The following DIAPH3 variants were observed in gnomAD, a reference collection of about 807,000 sequenced individuals.
The protein encoded by DIAPH3 is diaphanous related formin 3.
A neutral mutation model predicts 144.3 loss-of-function variants in DIAPH3; 117 were observed. The observed-to-expected ratio is 0.81, with a 90% CI of 0.70 to 0.95. The LOEUF is 0.95. Ranked by LOEUF, DIAPH3 falls within the 40% of genes least tolerant of loss-of-function variation. DIAPH3 has a pLI of 0.00. For missense variants in DIAPH3, 1,421 were observed against 1,412.7 expected (o/e 1.01, Z -0.09); for synonymous variants, 519 against 488.9 (o/e 1.06, Z -0.81).
At chr13:59,833,037 G>T in intron 24 of DIAPH3, 70 bp downstream of exon 24, 1 of 1,134,800 alleles carries the variant, frequency 8.8e-7, no homozygotes, top group Non-Finnish European at 1.3e-6. Flanking sequence ...AGAGTAGAAC[G>T]ATGTAATGAG....
Position 60,117,364 on chromosome 13 carries a change from CA to C in DIAPH3, c.214-5179del, listed in dbSNP as rs1447315813. Among the ~76,000 whole-genome samples, 3 of 151,512 alleles carry C rather than the reference CA, an allele frequency of 2.0e-5. No homozygotes were observed. In the East Asian group the frequency reaches 5.8e-4, roughly 29 times the overall value. ...AGGATCAATCAGTATTTCATATTTT[CA>C]ATATAATGCTTTTATTTCTTTTCCC... is the stretch of plus-strand genomic sequence containing the variant. On this transcript the variant is annotated intron_variant, in intron 2 of 27. Coordinates refer to ENST00000400324, the MANE Select transcript of DIAPH3 (RefSeq NM_001042517.2).
chr13:59,946,990 T>A (rs1366620784), intron 17 of DIAPH3, among the ~76,000 whole-genome samples: 1 of 152,168 alleles, frequency 6.6e-6, no homozygotes, highest in Non-Finnish European at 1.5e-5. Flanking sequence ...TCAAGAACTG[T>A]CAATCAGCAC....
intron 20 of DIAPH3, among the ~76,000 whole-genome samples, chr13:59,894,785 A>C (rs1424089770): frequency 1.3e-5 from 2 of 152,044 alleles, no homozygotes; most frequent in African/African-American, 4.8e-5. Context: ...GGAACCTTAA[A>C]TCTTTTCAGA....
At chr13:59,811,736 C>CAAAAAA (rs59712985) in intron 24 of DIAPH3, among the ~76,000 whole-genome samples, 7 of 56,726 alleles carry the variant, frequency 1.2e-4, no homozygotes, top group African/African-American at 2.1e-4. Context: ...GACTCTGTCT[C>CAAAAAA]AAAAAAAAAA....
At chr13:59,968,138 G>T (rs2050160998) in intron 17 of DIAPH3, among the ~76,000 whole-genome samples, 2 of 152,146 alleles carry the variant, frequency 1.3e-5, no homozygotes, top group Non-Finnish European at 2.9e-5. Context: ...GAATCTCAAG[G>T]CTAAAGTTAG....
chr13:60,142,657 C>T (rs1041709050), intron 1 of DIAPH3, among the ~76,000 whole-genome samples: 28 of 151,994 alleles, frequency 1.8e-4, no homozygotes, highest in Non-Finnish European at 2.6e-4. Flanking sequence ...ATGGTTGCCC[C>T]TCCTCCAGCT....
At chr13:59,906,521 C>A (rs546095451) in intron 20 of DIAPH3, among the ~76,000 whole-genome samples, 1 of 152,034 alleles carries the variant, frequency 6.6e-6, no homozygotes, top group Non-Finnish European at 1.5e-5. Context: ...TATTTTAAAG[C>A]GAGGGATTTT....
chr13:59,806,809 A>C (rs1344654402), intron 25 of DIAPH3, among the ~76,000 whole-genome samples: 1 of 151,928 alleles, frequency 6.6e-6, no homozygotes, highest in East Asian at 1.9e-4. Flanking sequence ...AAATGATAAC[A>C]CATATTTTTA....
chr13:59,822,059 G>C (rs955066818), intron 24 of DIAPH3, among the ~76,000 whole-genome samples: 1 of 152,050 alleles, frequency 6.6e-6, no homozygotes, highest in African/African-American at 2.4e-5. Flanking sequence ...TCTTAACTTT[G>C]CTATGAGTTT....
At chr13:59,948,775 C>T (rs1036525909) in intron 17 of DIAPH3, among the ~76,000 whole-genome samples, 1 of 151,506 alleles carries the variant, frequency 6.6e-6, no homozygotes, top group Non-Finnish European at 1.5e-5. Flanking sequence ...TTTAGATTTT[C>T]TAATCAAACT....
chr13:59,903,919 C>G (rs918398557), intron 20 of DIAPH3, among the ~76,000 whole-genome samples: 8 of 152,302 alleles, frequency 5.3e-5, no homozygotes, highest in Admixed American at 5.2e-4. Context: ...ACAATACACT[C>G]TAGCCTGTCA....
chr13:59,819,146 C>A (rs1035154950), intron 24 of DIAPH3, among the ~76,000 whole-genome samples: 22 of 151,856 alleles, frequency 1.4e-4, no homozygotes, highest in African/African-American at 5.3e-4. Context: ...TCCTCTGGCA[C>A]AGATTTGAAT....
chr13:60,111,068 A>T (rs2058553691), intron 3 of DIAPH3, among the ~76,000 whole-genome samples: 1 of 152,186 alleles, frequency 6.6e-6, no homozygotes, highest in African/African-American at 2.4e-5. Flanking sequence ...CCACAAGTGA[A>T]CCATAAAAGT....
At chr13:59,742,591 A>AAAAG (rs2036514075) in intron 27 of DIAPH3, among the ~76,000 whole-genome samples, 3 of 149,272 alleles carry the variant, frequency 2.0e-5, no homozygotes, top group Non-Finnish European at 3.0e-5. Flanking sequence ...AAAAGGAAAG[A>AAAAG]GAAAAGAAAA....
chr13:59,941,830 G>C (rs1249125477), intron 17 of DIAPH3, among the ~76,000 whole-genome samples: 1 of 142,360 alleles, frequency 7.0e-6, no homozygotes, highest in Non-Finnish European at 1.5e-5. Context: ...ATATTTCAAA[G>C]AATAAGGCAG....
intron 2 of DIAPH3, among the ~76,000 whole-genome samples, chr13:60,125,262 G>A (rs899280653): frequency 6.6e-6 from 1 of 152,018 alleles, no homozygotes; most frequent in South Asian, 2.1e-4. Context: ...CACTCAGACT[G>A]CAGTACAGTG....
intron 21 of DIAPH3, among the ~76,000 whole-genome samples, chr13:59,866,063 C>T (rs560098469): frequency 6.6e-6 from 1 of 151,906 alleles, no homozygotes; most frequent in African/African-American, 2.4e-5. Context: ...AGAAACAAGA[C>T]AAAATTCTGA....
chr13:59,770,895 G>A (rs1381964349), intron 27 of DIAPH3, among the ~76,000 whole-genome samples: 1 of 152,116 alleles, frequency 6.6e-6, no homozygotes, highest in African/African-American at 2.4e-5. Context: ...AATAAATAAA[G>A]ATTTAGCACA....
intron 25 of DIAPH3, among the ~76,000 whole-genome samples, chr13:59,782,666 G>T (rs1023336063): frequency 6.6e-6 from 1 of 152,126 alleles, no homozygotes; most frequent in Non-Finnish European, 1.5e-5. Context: ...AGGAAGACAG[G>T]TAAAAATCGT....
Sources: gnomAD v4.1 joint callset for allele counts (sites outside exome capture counted in the v4.1 genomes callset) on GRCh38, gnomAD v4.1.1 for gene constraint, MANE v1.5 for transcripts, NCBI Gene and HGNC (gene_info 2026-07-23, HGNC 2026-07-21) for gene names.